The following SPIRE1 variants were observed in gnomAD, a reference collection of about 807,000 sequenced individuals.
SPIRE1 encodes the protein spire type actin nucleation factor 1.
A neutral mutation model predicts 94.1 loss-of-function variants in SPIRE1; 40 were observed. The observed-to-expected ratio is 0.43, with a 90% CI of 0.33 to 0.55. SPIRE1 has a LOEUF of 0.55. Ranked by LOEUF, SPIRE1 falls within the 20% of genes least tolerant of loss-of-function variation. The probability of loss-of-function intolerance (pLI) is 0.06; values close to 1 mark genes in which losing one functional copy is unlikely to be tolerated. For synonymous variants in SPIRE1, 376 were observed against 371.7 expected (o/e 1.01, Z -0.13); for missense variants, 838 against 975.2 (o/e 0.86, Z 1.87).
chr18:12,638,183 G>A (rs539506229), intron 1 of SPIRE1, among the ~76,000 whole-genome samples: 36 of 152,230 alleles, frequency 2.4e-4, no homozygotes, highest in South Asian at 1.9e-3. Flanking sequence ...GGTGTCTTGC[G>A]CCTGTAATCC....
At chr18:12,630,643 C>G (rs1274164931) in intron 2 of SPIRE1, among the ~76,000 whole-genome samples, 1 of 152,158 alleles carries the variant, frequency 6.6e-6, no homozygotes, top group African/African-American at 2.4e-5. Flanking sequence ...TGGGCAAGAG[C>G]AAGACTCTGT....
chr18:12,495,565 T>C (rs1316313780), intron 7 of SPIRE1, among the ~76,000 whole-genome samples: 3 of 152,326 alleles, frequency 2.0e-5, no homozygotes, highest in East Asian at 1.9e-4. Flanking sequence ...TTGTATTAAA[T>C]AATTTTAAGA....
chr18:12,618,591 C>A (rs1177300964), intron 2 of SPIRE1, among the ~76,000 whole-genome samples: 1 of 152,060 alleles, frequency 6.6e-6, no homozygotes, highest in Non-Finnish European at 1.5e-5. Context: ...ATCTTATATT[C>A]TAGAATGTTG....
intron 2 of SPIRE1, among the ~76,000 whole-genome samples, chr18:12,581,077 G>C (rs2036245723): frequency 6.6e-6 from 1 of 152,048 alleles, no homozygotes; most frequent in Non-Finnish European, 1.5e-5. Flanking sequence ...AATACCCACT[G>C]AACTACTAAA....
intron 2 of SPIRE1, among the ~76,000 whole-genome samples, chr18:12,624,861 T>G (rs924138304): frequency 1.3e-5 from 2 of 151,800 alleles, no homozygotes; most frequent in African/African-American, 4.8e-5. Flanking sequence ...TATAAAATAT[T>G]TACTCCCAGA....
chr18:12,594,683 A>G (rs1160601633), intron 2 of SPIRE1, among the ~76,000 whole-genome samples: 2 of 152,186 alleles, frequency 1.3e-5, no homozygotes, highest in African/African-American at 4.8e-5. Context: ...CTCTTATTAT[A>G]AAAACTAGTA....
chr18:12,585,169 G>A (rs1460522908), intron 2 of SPIRE1, among the ~76,000 whole-genome samples: 1 of 152,076 alleles, frequency 6.6e-6, no homozygotes, highest in Non-Finnish European at 1.5e-5. Context: ...AAAAAAATTG[G>A]ATGAAGACTG....
rs118056106 is a variant in SPIRE1 at position 12,642,983 on chromosome 18, G to A, written c.338-7887C>T. ...CATAGGAATAGAAGACATAATATTT[G>A]TATTTAAAGAATAGTACTGTATTCA... is the stretch of plus-strand genomic sequence containing the variant. On this transcript the variant is annotated intron_variant, in intron 1 of 16. Transcript: ENST00000409402. 3.3e-5 allele frequency among the ~76,000 whole-genome samples: 5 copies of A among 152,152 alleles called. No homozygotes were observed. The East Asian group carries it at 9.6e-4, about 29-fold the overall frequency.
At chr18:12,534,434 G>C (rs1029468494) in intron 4 of SPIRE1, among the ~76,000 whole-genome samples, 1 of 152,130 alleles carries the variant, frequency 6.6e-6, no homozygotes, top group Non-Finnish European at 1.5e-5. Context: ...AATACCTAGA[G>C]AACTGGCAAA....
chr18:12,645,541 C>G (rs2038200813), intron 1 of SPIRE1, among the ~76,000 whole-genome samples: 1 of 152,100 alleles, frequency 6.6e-6, no homozygotes, highest in South Asian at 2.1e-4. Flanking sequence ...CTGATTCTTT[C>G]TCTCCATTCC....
At chr18:12,601,442 A>G (rs1317090677) in intron 2 of SPIRE1, among the ~76,000 whole-genome samples, 1 of 152,036 alleles carries the variant, frequency 6.6e-6, no homozygotes, top group Non-Finnish European at 1.5e-5. Flanking sequence ...GAAAACAAAA[A>G]ACAGAACCAA....
intron 2 of SPIRE1, among the ~76,000 whole-genome samples, chr18:12,548,538 C>A (rs1214828286): frequency 1.3e-5 from 2 of 151,692 alleles, no homozygotes; most frequent in African/African-American, 4.8e-5. Context: ...ATATTTTTTA[C>A]TGAAAACATG....
intron 6 of SPIRE1, among the ~76,000 whole-genome samples, chr18:12,503,674 G>C (rs1346444433): frequency 1.7e-5 from 2 of 116,704 alleles, no homozygotes; most frequent in Non-Finnish European, 3.8e-5. Context: ...TGGAAGCTTT[G>C]AGAGAACAGA....
chr18:12,638,796 T>C (rs576831565), intron 1 of SPIRE1, among the ~76,000 whole-genome samples: 2 of 152,262 alleles, frequency 1.3e-5, no homozygotes, highest in African/African-American at 4.8e-5. Flanking sequence ...TTTCAGTCTG[T>C]AGCACCTCCT....
At chr18:12,604,227 C>A (rs986299091) in intron 2 of SPIRE1, among the ~76,000 whole-genome samples, 9 of 152,076 alleles carry the variant, frequency 5.9e-5, no homozygotes, top group Non-Finnish European at 4.4e-5. Flanking sequence ...CTATTACTTG[C>A]GATTGGTGCT....
rs150085674 is a variant in SPIRE1 at position 12,546,696 on chromosome 18, C to T, written c.581G>A (p.Arg194Gln). Residue 194 changes from arginine (R) to glutamine (Q), a missense_variant, in exon 3 of 17, where the codon CGG (arginine) becomes CAG (glutamine). Arg to Gln is a conservative substitution (Grantham distance 43). Around this residue, in one of 2 missense-constraint regions of SPIRE1, gnomAD observed 645 missense variants for 804.7 expected, o/e 0.80. Coordinates refer to ENST00000409402, the MANE Select transcript of SPIRE1 (RefSeq NM_001128626.2). ...EDEKRKISAI[R>Q]SYRDVMKLCA... Reference sequence around the variant, plus strand: ...TACCTTCATGACATCTCTATATGACCGAATAGCTGAGATTTTTCTCTTTTC... The same window carrying T: ...TACCTTCATGACATCTCTATATGACTGAATAGCTGAGATTTTTCTCTTTTC... 6.2e-4 allele frequency: 997 copies of T among 1,613,360 alleles called. No individual in the cohort carries two copies. The highest frequency in any genetic ancestry group is 7.7e-4 in the Non-Finnish European group (911 of 1,179,598).
At chr18:12,536,250 T>C (rs1357505214) in intron 3 of SPIRE1, among the ~76,000 whole-genome samples, 1 of 152,198 alleles carries the variant, frequency 6.6e-6, no homozygotes, top group East Asian at 1.9e-4. Context: ...TTTTAACAGC[T>C]ACCATTTATT....
intron 3 of SPIRE1, among the ~76,000 whole-genome samples, chr18:12,536,292 C>T (rs1209677200): frequency 1.3e-5 from 2 of 152,156 alleles, no homozygotes; most frequent in Non-Finnish European, 2.9e-5. Flanking sequence ...CAATATCTGA[C>T]ATGTCGTATA....
chr18:12,551,483 C>T (rs938809048), intron 2 of SPIRE1, among the ~76,000 whole-genome samples: 13 of 152,120 alleles, frequency 8.5e-5, no homozygotes, highest in African/African-American at 1.2e-4. Context: ...GGGCAGATCA[C>T]GAGGTCGGGA....
Sources: allele counts gnomAD v4.1 joint callset (sites outside exome capture counted in the v4.1 genomes callset), GRCh38; gene constraint gnomAD v4.1.1; regional missense constraint gnomAD v4.1.1; transcripts MANE v1.5; gene names NCBI Gene and HGNC (gene_info 2026-07-23, HGNC 2026-07-21).